Variants in KANSL1 observed in about 807,000 individuals in gnomAD.
KANSL1 encodes KAT8 regulatory NSL complex subunit 1.
Under a neutral mutation model 103.6 loss-of-function variants are expected in KANSL1, and 22 were observed. The ratio of observed to expected loss-of-function variants is 0.21; its 90% CI spans 0.15 to 0.30. The LOEUF is 0.30. KANSL1 is among the 10% of genes least tolerant of loss of function. KANSL1 has a pLI of 1.00. For synonymous variants in KANSL1, 600 were observed against 527.6 expected, an observed-to-expected ratio of 1.14 and a Z score of -1.88; for missense variants, 1,337 against 1,399.8, an observed-to-expected ratio of 0.96 and a Z score of 0.72.
At chr17:46,186,302 G>A (rs1488676528) in intron 1 of KANSL1, among the ~76,000 whole-genome samples, 4 of 151,164 alleles carry the variant, frequency 2.6e-5, no homozygotes, top group Non-Finnish European at 5.9e-5. Flanking sequence ...AGAATGGCAT[G>A]AACCCAGGAG....
intron 4 of KANSL1, among the ~76,000 whole-genome samples, chr17:46,071,278 G>C (rs142278769): frequency 1.1e-3 from 170 of 152,158 alleles, no homozygotes; most frequent in African/African-American, 4.0e-3. Context: ...AAGGGACTGT[G>C]GCTGGCCTGC....
intron 10 of KANSL1, 130 bp downstream of exon 10, chr17:46,038,404 CATAT>C (rs2077212378): frequency 1.1e-6 from 1 of 908,952 alleles, no homozygotes; most frequent in Non-Finnish European, 1.7e-6. Flanking sequence ...GACATACATA[CATAT>C]GTCATGATGA....
intron 2 of KANSL1, among the ~76,000 whole-genome samples, chr17:46,115,495 T>C (rs2043005604): frequency 6.6e-6 from 1 of 151,862 alleles, no homozygotes; most frequent in African/African-American, 2.4e-5. Context: ...ACTGTACTGC[T>C]CCTGAAAGCT....
chr17:46,124,024 G>T (rs764566193), intron 2 of KANSL1, among the ~76,000 whole-genome samples: 2 of 152,240 alleles, frequency 1.3e-5, no homozygotes, highest in Non-Finnish European at 2.9e-5. Context: ...AGCCTCTCTT[G>T]TTAGGAGCTA....
chr17:46,078,415 G>C (rs1364921412), intron 4 of KANSL1, among the ~76,000 whole-genome samples: 1 of 152,226 alleles, frequency 6.6e-6, no homozygotes, highest in African/African-American at 2.4e-5. Context: ...GTGCAGGTCA[G>C]GGGTGAGCAC....
upstream of KANSL1, chr17:46,193,560 GC>G: frequency 6.6e-6 from 1 of 150,446 alleles, no homozygotes; most frequent in Non-Finnish European, 1.4e-5. Flanking sequence ...CCGCCGCGCC[GC>G]CCCCGCGGGC....
intron 1 of KANSL1, among the ~76,000 whole-genome samples, chr17:46,202,184 A>G (rs1268206519): frequency 6.8e-6 from 1 of 147,162 alleles, no homozygotes; most frequent in Non-Finnish European, 1.5e-5. Flanking sequence ...TCTCTTAAAG[A>G]AAAAGGTAAA....
intron 11 of KANSL1, 75 bp downstream of exon 11, chr17:46,034,086 T>C (rs1331037002): frequency 3.2e-6 from 5 of 1,563,338 alleles, no homozygotes; most frequent in Non-Finnish European, 4.4e-6. Flanking sequence ...GCCCAACTCT[T>C]GGTCAGAAGA....
At chr17:46,220,357 C>T (rs879397531) in intron 1 of KANSL1, among the ~76,000 whole-genome samples, 4 of 151,812 alleles carry the variant, frequency 2.6e-5, no homozygotes, top group Non-Finnish European at 5.9e-5. Context: ...GCTGCAACTA[C>T]AGGCGCCTGC....
rs2046280641 is a variant in KANSL1, at chr17:46,171,403, TCTA to T, written c.738_740del (p.Ser246del). ...AGCTGGAGTCTGTACCAGGTGATAA[TCTA>T]CTGCTTCCTTGAAGTGCCGGCTGTT... On this transcript the variant is annotated inframe_deletion, in exon 2 of 15. Coordinates refer to ENST00000432791, the MANE Select transcript of KANSL1 (RefSeq NM_015443.4). 2 of 1,613,870 alleles carry T rather than the reference TCTA, an allele frequency of 1.2e-6. No homozygotes were observed. Among genetic ancestry groups the T allele is most frequent in the Admixed American group, 1.7e-5 (1 of 59,976 alleles).
intron 6 of KANSL1, 142 bp downstream of exon 6, chr17:46,066,395 C>T (rs901698063): frequency 4.1e-5 from 24 of 588,154 alleles, no homozygotes; most frequent in Non-Finnish European, 6.3e-5. Flanking sequence ...AAACAGGGCC[C>T]AGGAACCTAG....
chr17:46,039,398 A>G (rs1410710282), intron 8 of KANSL1, 183 bp from the exon 9 acceptor site: 1 of 616,938 alleles, frequency 1.6e-6, no homozygotes, highest in Admixed American at 3.5e-5. Context: ...GGAGCCCAGA[A>G]CCAGAGAAAC....
chr17:46,098,330 A>C (rs1261989890), intron 2 of KANSL1, among the ~76,000 whole-genome samples: 1 of 152,166 alleles, frequency 6.6e-6, no homozygotes, highest in Admixed American at 6.5e-5. Flanking sequence ...ATCTATCACC[A>C]CTGGGCAACC....
chr17:46,185,187 A>G (rs1251598998), intron 1 of KANSL1, among the ~76,000 whole-genome samples: 3 of 152,234 alleles, frequency 2.0e-5, no homozygotes, highest in Non-Finnish European at 1.5e-5. Context: ...CCCTACAAGC[A>G]GCACAATGCC....
Position 46,146,358 on chromosome 17 carries a change from T to C in KANSL1, c.1289+24497A>G, listed in dbSNP as rs943605780. Among the ~76,000 whole-genome samples, 5 of 152,342 alleles carry C rather than the reference T, an allele frequency of 3.3e-5. No individual in the cohort carries two copies. The East Asian group carries it at 7.7e-4, about 24-fold the overall frequency. On this transcript the variant is annotated intron_variant, in intron 2 of 14. Coordinates refer to ENST00000432791, the MANE Select transcript of KANSL1 (RefSeq NM_015443.4). The stretch of plus-strand genomic sequence containing the variant: ...GGGAAATCAATTTGAAAAGGTTACA[T>C]AGCTTAATCAAGGTCACAAAGTGAC...
intron 2 of KANSL1, among the ~76,000 whole-genome samples, chr17:46,118,990 T>C (rs1300723053): frequency 6.6e-6 from 1 of 152,226 alleles, no homozygotes. Flanking sequence ...TGGTAAAAGA[T>C]CCCACGTAGC....
chr17:46,106,182 C>T (rs1342539323), intron 2 of KANSL1, among the ~76,000 whole-genome samples: 1 of 152,078 alleles, frequency 6.6e-6, no homozygotes, highest in Non-Finnish European at 1.5e-5. Flanking sequence ...CACTGAGTTC[C>T]AAATCCTGGC....
intron 1 of KANSL1, among the ~76,000 whole-genome samples, chr17:46,216,064 AT>A (rs1208157314): frequency 7.9e-5 from 12 of 152,250 alleles, no homozygotes; most frequent in Admixed American, 5.2e-4. Context: ...TAATAAAAAA[AT>A]AAAATAAAAT....
rs777713473 is a variant in KANSL1, at chr17:46,171,546, C to T, written c.598G>A (p.Asp200Asn). Residue 200 changes from aspartate to asparagine, a missense_variant, in exon 2 of 15, where the codon GAC becomes AAC. Transcript: ENST00000432791. ...CAATTGGTCATACCCCCCTTCAAGT[C>T]CCCAGATTCAGATCCTCCCATTTCA... ...GGEMGGSESG[D>N]LKGGMTNCTL... 1.2e-6 allele frequency: 2 copies of T among 1,611,390 alleles called. No individual in the cohort carries two copies. Among genetic ancestry groups the T allele is most frequent in the Non-Finnish European group, 1.7e-6 (2 of 1,178,824 alleles).
Sources: gnomAD v4.1 joint callset for allele counts (sites outside exome capture counted in the v4.1 genomes callset) on GRCh38, gnomAD v4.1.1 for gene constraint, MANE v1.5 for transcripts, NCBI Gene and HGNC (gene_info 2026-07-23, HGNC 2026-07-21) for gene names.